CSMD3: variants seen among roughly 807,000 people sequenced by gnomAD.
CSMD3 encodes CUB and Sushi multiple domains 3.
In CSMD3, 177 loss-of-function variants were observed where a neutral mutation model predicts 435.2. The observed-to-expected ratio is 0.41, with a 90% CI of 0.36 to 0.46. The LOEUF (loss-of-function observed/expected upper bound fraction) is 0.46. Among genes scored for constraint, CSMD3 ranks in the 20% least tolerant of loss-of-function variants. CSMD3 has a pLI of 0.34. For synonymous variants in CSMD3, 1,656 were observed against 1,520.5 expected (o/e 1.09, Z -2.07); for missense variants, 4,265 against 4,504.6 (o/e 0.95, Z 1.52).
At chr8:113,266,046 T>A (rs1193485431) in intron 3 of CSMD3, among the ~76,000 whole-genome samples, 1 of 151,478 alleles carries the variant, frequency 6.6e-6, no homozygotes, top group East Asian at 1.9e-4. Flanking sequence ...TATAACATAA[T>A]CTTATCTTAC....
rs534741587 is a variant in CSMD3 at position 112,583,683 on chromosome 8, T to C, written c.3885+3383A>G. On this transcript the variant is annotated intron_variant, in intron 23 of 70. Transcript: ENST00000297405. ...ATCTAAAGTGTGAGTTTCCTATACA[T>C]TAATGGATAGAAGGGTATATATTTG... Among the ~76,000 whole-genome samples, 249 of 151,962 alleles carry C rather than the reference T, an allele frequency of 1.6e-3. 3 individuals carry two copies. The highest frequency in any genetic ancestry group is 3.4e-3 in the Middle Eastern group (1 of 294).
chr8:112,488,755 T>C (rs1820393735), intron 31 of CSMD3, among the ~76,000 whole-genome samples: 1 of 152,154 alleles, frequency 6.6e-6, no homozygotes, highest in African/African-American at 2.4e-5. Context: ...CACTGAAACA[T>C]TGAAGAGAGG....
chr8:112,355,376 T>C (rs979675088), intron 38 of CSMD3, among the ~76,000 whole-genome samples: 4 of 152,184 alleles, frequency 2.6e-5, no homozygotes, highest in African/African-American at 9.7e-5. Context: ...ACAGAGTTTC[T>C]GCACAGCAAA....
chr8:112,767,800 T>C (rs1563940966), intron 13 of CSMD3, among the ~76,000 whole-genome samples: 1 of 151,828 alleles, frequency 6.6e-6, no homozygotes, highest in Non-Finnish European at 1.5e-5. Flanking sequence ...CCTTGCTGTT[T>C]AACACCCATT....
At chr8:112,832,281 C>T (rs1193496647) in intron 11 of CSMD3, among the ~76,000 whole-genome samples, 1 of 151,738 alleles carries the variant, frequency 6.6e-6, no homozygotes, top group Non-Finnish European at 1.5e-5. Flanking sequence ...TCCTCCTCTT[C>T]AGTGTGGGCA....
At chr8:113,308,258 CTTTTTTTTTTTTTTT>C (rs11440584) in intron 2 of CSMD3, among the ~76,000 whole-genome samples, 4 of 64,918 alleles carry the variant, frequency 6.2e-5, no homozygotes, top group Non-Finnish European at 1.1e-4. Context: ...TCATTTAAGT[CTTTTTTTTTTTTTTT>C]TTTTTTTTTT....
chr8:112,965,091 A>G (rs2084367592), intron 7 of CSMD3, among the ~76,000 whole-genome samples: 1 of 152,036 alleles, frequency 6.6e-6, no homozygotes, highest in African/African-American at 2.4e-5. Context: ...ATGTCTCTAC[A>G]TAGGACCATT....
intron 13 of CSMD3, among the ~76,000 whole-genome samples, chr8:112,769,181 T>C (rs1046939591): frequency 1.5e-4 from 23 of 151,986 alleles, no homozygotes; most frequent in African/African-American, 5.6e-4. Context: ...TCTGTTTTTG[T>C]GCTTGCCTTC....
At chr8:113,283,452 A>G (rs943435483) in intron 2 of CSMD3, among the ~76,000 whole-genome samples, 4 of 152,286 alleles carry the variant, frequency 2.6e-5, no homozygotes, top group Admixed American at 2.6e-4. Flanking sequence ...AAAAGAAGAT[A>G]TACAAATGGC....
At chr8:112,259,760 T>A (rs1261150558) in intron 61 of CSMD3, among the ~76,000 whole-genome samples, 1 of 152,134 alleles carries the variant, frequency 6.6e-6, no homozygotes, top group African/African-American at 2.4e-5. Flanking sequence ...CTGTATAATA[T>A]CAAACCCAAA....
chr8:112,460,446 T>A (rs1817332444), intron 32 of CSMD3, among the ~76,000 whole-genome samples: 1 of 151,670 alleles, frequency 6.6e-6, no homozygotes, highest in South Asian at 2.1e-4. Context: ...AGATTGAAAG[T>A]CAAATTCAAT....
chr8:113,153,604 A>G (rs1265518492), intron 4 of CSMD3, among the ~76,000 whole-genome samples: 3 of 152,090 alleles, frequency 2.0e-5, no homozygotes, highest in Admixed American at 6.6e-5. Flanking sequence ...TCAGTTCAAC[A>G]TAAGAGAGGG....
intron 10 of CSMD3, among the ~76,000 whole-genome samples, chr8:112,877,089 C>T (rs1161638261): frequency 6.6e-6 from 1 of 152,028 alleles, no homozygotes; most frequent in Non-Finnish European, 1.5e-5. Flanking sequence ...CTACAAACCA[C>T]TGCTCAAGGA....
intron 59 of CSMD3, among the ~76,000 whole-genome samples, chr8:112,267,588 C>A (rs1229206418): frequency 6.6e-6 from 1 of 151,826 alleles, no homozygotes; most frequent in East Asian, 1.9e-4. Context: ...TTAAAGAGAA[C>A]ACCTATAAAG....
intron 13 of CSMD3, among the ~76,000 whole-genome samples, chr8:112,791,166 T>C (rs1328430761): frequency 6.6e-6 from 1 of 151,602 alleles, no homozygotes; most frequent in Admixed American, 6.6e-5. Context: ...CTATAAAAAA[T>C]ACAAAAATTA....
At chr8:113,028,256 C>G (rs891499961) in intron 5 of CSMD3, among the ~76,000 whole-genome samples, 1 of 145,432 alleles carries the variant, frequency 6.9e-6, no homozygotes, top group African/African-American at 2.4e-5. Context: ...TGTGCCCATG[C>G]AAGATGGTGA....
At chr8:112,791,656 C>A (rs1374489832) in intron 13 of CSMD3, among the ~76,000 whole-genome samples, 2 of 151,856 alleles carry the variant, frequency 1.3e-5, no homozygotes, top group African/African-American at 4.8e-5. Context: ...TGGATTGTTT[C>A]CAGTTTGTAG....
intron 59 of CSMD3, among the ~76,000 whole-genome samples, chr8:112,274,841 T>C (rs971999127): frequency 2.6e-5 from 4 of 152,222 alleles, no homozygotes; most frequent in African/African-American, 7.2e-5. Flanking sequence ...ACACTTGAAG[T>C]AGTAATGACG....
At chr8:113,056,257 A>G (rs1038637829) in intron 5 of CSMD3, among the ~76,000 whole-genome samples, 7 of 152,152 alleles carry the variant, frequency 4.6e-5, no homozygotes, top group Admixed American at 3.3e-4. Flanking sequence ...ATAAGTGTGG[A>G]ACACCCATGT....
Sources: gnomAD v4.1 joint callset for allele counts (sites outside exome capture counted in the v4.1 genomes callset) on GRCh38, gnomAD v4.1.1 for gene constraint, MANE v1.5 for transcripts, NCBI Gene and HGNC (gene_info 2026-07-23, HGNC 2026-07-21) for gene names.